Variants in ZKSCAN1 observed in about 807,000 individuals in gnomAD.
ZKSCAN1 encodes the protein zinc finger protein with KRAB and SCAN domains 1.
ZKSCAN1 carries 14 observed loss-of-function variants against 51.6 expected under a neutral mutation model. The observed-to-expected ratio is 0.27, with a 90% CI of 0.18 to 0.42. ZKSCAN1 has a LOEUF of 0.42. Among genes scored for constraint, ZKSCAN1 ranks in the 10% least tolerant of loss-of-function variants. ZKSCAN1 has a pLI of 1.00. For missense variants in ZKSCAN1, 531 were observed against 710.0 expected (o/e 0.75, Z 2.86); for synonymous variants, 263 against 261.5 (o/e 1.01, Z -0.06).
At chr7:100,044,899 T>C, downstream of ZKSCAN1, 1 of 985,228 alleles carries the variant, frequency 1.0e-6, no homozygotes, top group African/African-American at 1.7e-5. Flanking sequence ...CTAAGGGAAG[T>C]CACGGTTTGG....
intron 3 of ZKSCAN1, 77 bp from the exon 4 acceptor site, chr7:100,029,784 G>T (rs766010688): frequency 5.1e-6 from 7 of 1,374,250 alleles, no homozygotes; most frequent in Non-Finnish European, 6.1e-6. Context: ...GTGCAGGAAG[G>T]AACATGCCCC....
rs1329220457 is a variant in ZKSCAN1 at position 100,023,943 on chromosome 7, G to A, written c.426+11G>A. ...TTATCAGGACAACAGGTAAAAAGAG[G>A]TGAAACCTATTATGTGTGAGCAGGG... On this transcript the variant is annotated intron_variant, in intron 2 of 5. Coordinates refer to ENST00000324306, the MANE Select transcript of ZKSCAN1 (RefSeq NM_003439.4). The A allele has an allele frequency of 6.4e-7, 1 of 1,566,624 alleles. No individual in the cohort carries two copies. The highest frequency in any genetic ancestry group is 1.2e-5 in the South Asian group (1 of 83,530).
chr7:100,019,705 C>CT (rs920728309), intron 1 of ZKSCAN1, among the ~76,000 whole-genome samples: 5 of 151,714 alleles, frequency 3.3e-5, no homozygotes, highest in African/African-American at 1.2e-4. Flanking sequence ...CTCAGTTCTT[C>CT]TTTTGTTTTT....
rs1791541677 is a variant in ZKSCAN1, at chr7:100,040,307, A to G, written c.*6110A>G. On this transcript the variant is annotated 3_prime_UTR_variant, in exon 6 of 6. Coordinates refer to ENST00000324306, the MANE Select transcript of ZKSCAN1 (RefSeq NM_003439.4). Reference sequence around the variant, plus strand: ...TGGAAGGAAACTGGGTGTTTGGTAGACTTCTAAATCATGGTCTCTGACAAT... The same window carrying G: ...TGGAAGGAAACTGGGTGTTTGGTAGGCTTCTAAATCATGGTCTCTGACAAT... 1 of 985,428 alleles carries G rather than the reference A, an allele frequency of 1.0e-6. No individual in the cohort carries two copies. Among genetic ancestry groups the G allele is most frequent in the Non-Finnish European group, 1.2e-6 (1 of 829,938 alleles). 61.0% of individuals were successfully genotyped at this position (985,428 alleles called of 1,614,324 possible). A position where few individuals can be genotyped will look rare whatever the true frequency, so the allele number is the denominator to read the frequency against.
At chr7:100,042,318 CA>C (rs34258466), downstream of ZKSCAN1, among the ~76,000 whole-genome samples, 435 of 43,658 alleles carry the variant, frequency 1.0e-2, 2 homozygotes, top group Admixed American at 0.017. Context: ...GACTTTGTCT[CA>C]AAAAAAAAAA....
chr7:100,033,516 C>T lies in ZKSCAN1; in HGVS notation c.1011C>T (p.Asp337=), dbSNP rs758057503. The T allele has an allele frequency of 4.3e-6, 7 of 1,613,642 alleles. No individual in the cohort carries two copies. Among genetic ancestry groups the T allele is most frequent in the Admixed American group, 1.7e-5 (1 of 59,958 alleles). Residue 337 remains aspartate (D), a synonymous_variant, in exon 6 of 6, where the codon GAC becomes GAT. Coordinates refer to ENST00000324306, the MANE Select transcript of ZKSCAN1 (RefSeq NM_003439.4). This position sits in a 1 kb window ranked among gnomAD's most constrained non-coding sequence, Gnocchi z 4.1. ...KRDSGPAIGK[D]KKTITGERGP... is the part of the protein sequence containing the mutation. ...ATTCAGGGCCAGCTATAGGAAAGGA[C>T]AAAAAAACCATCACAGGAGAGAGAG...
At position 100,034,393 on chromosome 7, in the gene ZKSCAN1, C is replaced by T; in HGVS notation, c.*196C>T. 8.3e-6 allele frequency: 11 copies of T among 1,322,576 alleles called. No homozygotes were observed. Among genetic ancestry groups the T allele is most frequent in the Non-Finnish European group, 1.1e-5 (11 of 1,042,630 alleles). 81.9% of individuals were successfully genotyped at this position (1,322,576 alleles called of 1,614,324 possible). The stretch of plus-strand genomic sequence containing the variant: ...GGCATATAATCCTTCCACACAGCCC[C>T]TGCAGGGAAAGGCTAATCTTACGGA... On this transcript the variant is annotated 3_prime_UTR_variant, in exon 6 of 6. Transcript: ENST00000324306.
At chr7:100,029,148 G>A (rs1790980796) in intron 3 of ZKSCAN1, among the ~76,000 whole-genome samples, 1 of 120,794 alleles carries the variant, frequency 8.3e-6, no homozygotes, top group Admixed American at 9.4e-5. Context: ...TGGGCAACAA[G>A]AGCAAAACTC....
rs747386508 is a variant in ZKSCAN1 at position 100,037,686 on chromosome 7, G to A, written c.*3489G>A. 20 of 985,428 alleles carry A rather than the reference G, an allele frequency of 2.0e-5. No individual in the cohort carries two copies. The highest frequency in any genetic ancestry group is 2.4e-5 in the Non-Finnish European group (20 of 829,934). 61.0% of individuals were successfully genotyped at this position (985,428 alleles called of 1,614,324 possible). On this transcript the variant is annotated 3_prime_UTR_variant, in exon 6 of 6. Transcript: ENST00000324306. Reference sequence around the variant, plus strand: ...GACAGAAAATGAATTCCGTCGGTATGTTCCAATCGTGATGAATTTGAGAAA... The same window carrying A: ...GACAGAAAATGAATTCCGTCGGTATATTCCAATCGTGATGAATTTGAGAAA...
chr7:100,029,164 C>CA (rs56176717), intron 3 of ZKSCAN1, among the ~76,000 whole-genome samples: 26 of 120,260 alleles, frequency 2.2e-4, no homozygotes, highest in South Asian at 5.6e-4. Flanking sequence ...AACTCTGTCT[C>CA]AAAAAAAAAA....
rs1791353290 is a variant in ZKSCAN1 at position 100,036,131 on chromosome 7, C to T, written c.*1934C>T. ...CAACGAAGTGGGAGCTAAAACTGCA[C>T]AGTGGTCATTCTTTGGCCTCTCCTT... On this transcript the variant is annotated 3_prime_UTR_variant, in exon 6 of 6. Transcript: ENST00000324306. The T allele has an allele frequency of 1.0e-6, 1 of 985,260 alleles. No homozygotes were observed. 61.0% of individuals were successfully genotyped at this position (985,260 alleles called of 1,614,324 possible).
Position 100,036,948 on chromosome 7 carries a change from T to A in ZKSCAN1, c.*2751T>A. 1 of 985,384 alleles carries A rather than the reference T, an allele frequency of 1.0e-6. No homozygotes were observed. Among genetic ancestry groups the A allele is most frequent in the Non-Finnish European group, 1.2e-6 (1 of 829,924 alleles). 61.0% of individuals were successfully genotyped at this position (985,384 alleles called of 1,614,324 possible). A position where few individuals can be genotyped will look rare whatever the true frequency, so the allele number is the denominator to read the frequency against. On this transcript the variant is annotated 3_prime_UTR_variant, in exon 6 of 6. Transcript: ENST00000324306. ...CTGTGCCCTCACATTTAATTCCGTT[T>A]CATGGAGACATCTTCCTGACTTTGT...
At chr7:100,044,267 G>A (rs1766924811), downstream of ZKSCAN1, among the ~76,000 whole-genome samples, 1 of 152,084 alleles carries the variant, frequency 6.6e-6, no homozygotes. Context: ...CCCATGCTGT[G>A]TTCAGAGCTG....
intron 1 of ZKSCAN1, among the ~76,000 whole-genome samples, chr7:100,017,206 G>A (rs2115799486): frequency 6.6e-6 from 1 of 152,030 alleles, no homozygotes; most frequent in South Asian, 2.1e-4. Context: ...AAAGGGCAAA[G>A]GGCAATTTAT....
At chr7:100,028,075 C>T (rs1017855499) in intron 3 of ZKSCAN1, among the ~76,000 whole-genome samples, 4 of 152,068 alleles carry the variant, frequency 2.6e-5, no homozygotes, top group African/African-American at 9.7e-5. Flanking sequence ...GTACTTGGGG[C>T]TGGGCGCAGT....
At chr7:100,041,833 C>T, downstream of ZKSCAN1, 2 of 833,128 alleles carry the variant, frequency 2.4e-6, no homozygotes, top group Non-Finnish European at 2.9e-6. Context: ...GCAAAACTAT[C>T]TGTTTACTTT....
Position 100,040,837 on chromosome 7 carries a change from G to C in ZKSCAN1, c.*6640G>C, listed in dbSNP as rs1054634617. 7 of 985,348 alleles carry C rather than the reference G, an allele frequency of 7.1e-6. No individual in the cohort carries two copies. The highest frequency in any genetic ancestry group is 8.4e-6 in the Non-Finnish European group (7 of 829,910). The allele number at this position is 985,348 out of a possible 1,614,324, so 61.0% of individuals were successfully genotyped here. A position where few individuals can be genotyped will look rare whatever the true frequency, so the allele number is the denominator to read the frequency against. On this transcript the variant is annotated 3_prime_UTR_variant, in exon 6 of 6. Coordinates refer to ENST00000324306, the MANE Select transcript of ZKSCAN1 (RefSeq NM_003439.4). ...AAAGCTTTTAGCCTGCCCTAGCAAG[G>C]ACAAAGCATGTTAGATTAGAGATGC...
rs1368683665 is a variant in ZKSCAN1, at chr7:100,037,363, G to A, written c.*3166G>A. The A allele has an allele frequency of 1.0e-6, 1 of 985,276 alleles. No individual in the cohort carries two copies. The highest frequency in any genetic ancestry group is 1.2e-6 in the Non-Finnish European group (1 of 829,928). 61.0% of individuals were successfully genotyped at this position (985,276 alleles called of 1,614,324 possible). A position where few individuals can be genotyped will look rare whatever the true frequency, so the allele number is the denominator to read the frequency against. On this transcript the variant is annotated 3_prime_UTR_variant, in exon 6 of 6. Coordinates refer to ENST00000324306, the MANE Select transcript of ZKSCAN1 (RefSeq NM_003439.4). ...TATTTGTTTCTACTCCAGCCTGGCA[G>A]GCAAGGCTAAAACCTGAGATTATCG...
In ZKSCAN1 at chr7:100,038,429, A is replaced by T. The variant is rs1350115261; in HGVS notation, c.*4232A>T. The stretch of plus-strand genomic sequence containing the variant: ...ACATCAAGAGATTGGTAAATTTCTG[A>T]GGAAAGACAGGCTAATGGGGCACTG... On this transcript the variant is annotated 3_prime_UTR_variant, in exon 6 of 6. Coordinates refer to ENST00000324306, the MANE Select transcript of ZKSCAN1 (RefSeq NM_003439.4). 1.0e-6 allele frequency: 1 copy of T among 985,310 alleles called. No homozygotes were observed. The highest frequency in any genetic ancestry group is 1.2e-6 in the Non-Finnish European group (1 of 829,938). The allele number at this position is 985,310 out of a possible 1,614,324, so 61.0% of individuals were successfully genotyped here. A position where few individuals can be genotyped will look rare whatever the true frequency, so the allele number is the denominator to read the frequency against.
Sources: gnomAD v4.1 joint callset for allele counts (sites outside exome capture counted in the v4.1 genomes callset) on GRCh38, gnomAD v4.1.1 for gene constraint, Gnocchi (gnomAD v3.1) non-coding constraint, MANE v1.5 for transcripts, NCBI Gene and HGNC (gene_info 2026-07-23, HGNC 2026-07-21) for gene names.